LYST: variants seen among roughly 807,000 people sequenced by gnomAD.
LYST encodes lysosomal trafficking regulator.
In LYST, 192 loss-of-function variants were observed where a neutral mutation model predicts 413.6. The ratio of observed to expected loss-of-function variants is 0.46; its 90% CI spans 0.41 to 0.52. The LOEUF is 0.52. Ranked by LOEUF, LYST falls within the 20% of genes least tolerant of loss-of-function variation. The probability of loss-of-function intolerance (pLI) is 0.00; values close to 1 mark genes in which losing one functional copy is unlikely to be tolerated. For synonymous variants in LYST, 1,525 were observed against 1,567.3 expected, an observed-to-expected ratio of 0.97 and a Z score of 0.64; for missense variants, 3,815 against 4,499.9, an observed-to-expected ratio of 0.85 and a Z score of 4.35.
At chr1:235,803,133 A>G in intron 7 of LYST, 69 bp from the exon 8 acceptor site, 1 of 1,254,808 alleles carries the variant, frequency 8.0e-7, no homozygotes, top group South Asian at 1.2e-5. Flanking sequence ...TTATTACTCA[A>G]AAGTCATGTT....
At chr1:235,690,209 T>G (rs2103066879) in intron 47 of LYST, among the ~76,000 whole-genome samples, 1 of 152,356 alleles carries the variant, frequency 6.6e-6, no homozygotes, top group African/African-American at 2.4e-5. Context: ...CAGCAATGAG[T>G]TAAATCTGCT....
At chr1:235,673,567 C>A (rs73124557) in intron 50 of LYST, among the ~76,000 whole-genome samples, 7,642 of 152,210 alleles carry the variant, frequency 0.05, 603 homozygotes, top group African/African-American at 0.17. Context: ...CACCGCCCCC[C>A]ACAACTGTCA....
intron 1 of LYST, among the ~76,000 whole-genome samples, chr1:235,851,271 G>A (rs187008071): frequency 2.0e-5 from 3 of 152,194 alleles, no homozygotes; most frequent in Admixed American, 2.0e-4. Flanking sequence ...GATGAGACTG[G>A]AGACTATTAT....
At chr1:235,866,959 A>T (rs925854629), upstream of LYST, 1 of 145,662 alleles carries the variant, frequency 6.9e-6, no homozygotes, top group Non-Finnish European at 1.5e-5. Context: ...GTAACCCAGG[A>T]AACCGAGAAC....
chr1:235,670,956 C>T (rs1018086114), intron 50 of LYST, among the ~76,000 whole-genome samples: 2 of 152,178 alleles, frequency 1.3e-5, no homozygotes, highest in African/African-American at 4.8e-5. Context: ...ATGATTCCCT[C>T]TGATAACCCT....
At chr1:235,778,102 T>TATATATATATATTTTTGTAG (rs1232516969) in intron 16 of LYST, among the ~76,000 whole-genome samples, 7 of 143,966 alleles carry the variant, frequency 4.9e-5, no homozygotes, top group African/African-American at 1.9e-4. Context: ...CAGTTAAATA[T>TATATATATATATTTTTGTAG]ATATATATAT....
chr1:235,739,604 C>T (rs1341231429), intron 31 of LYST, among the ~76,000 whole-genome samples: 1 of 111,064 alleles, frequency 9.0e-6, no homozygotes, highest in Non-Finnish European at 1.7e-5. Context: ...AAACCTTGAA[C>T]AGTGAAAAAA....
chr1:235,760,698 CAGGTTAA>C (rs1206297783), intron 22 of LYST, among the ~76,000 whole-genome samples: 1 of 152,112 alleles, frequency 6.6e-6, no homozygotes. Context: ...GATTCTTTTG[CAGGTTAA>C]AATTTGAGAC....
rs6664854 is a variant in LYST, at chr1:235,812,719, G to C, written c.283+252C>G. 0.034 allele frequency among the ~76,000 whole-genome samples: 5,233 copies of C among 152,082 alleles called. 282 individuals are homozygous for C. The highest frequency in any genetic ancestry group is 0.12 in the African/African-American group (4,945 of 41,480). On this transcript the variant is annotated intron_variant, in intron 4 of 52. Transcript: ENST00000389793. Reference sequence around the variant, plus strand: ...CTGCACACCTAGACTCACTCCTTCTGATAAGTGTTTCTGCTTCTTTATACA... The same window carrying C: ...CTGCACACCTAGACTCACTCCTTCTCATAAGTGTTTCTGCTTCTTTATACA...
chr1:235,881,136 G>C (rs1414798036), intron 1 of LYST, among the ~76,000 whole-genome samples: 1 of 152,164 alleles, frequency 6.6e-6, no homozygotes. Context: ...TCATAACGAA[G>C]TGGTAACTAC....
intron 50 of LYST, among the ~76,000 whole-genome samples, chr1:235,670,910 A>G (rs1658886512): frequency 6.6e-6 from 1 of 152,226 alleles, no homozygotes; most frequent in Non-Finnish European, 1.5e-5. Context: ...AAATAACCCT[A>G]GTAAAACAAA....
chr1:235,684,799 GTT>G (rs577802552), intron 48 of LYST, among the ~76,000 whole-genome samples: 1 of 149,388 alleles, frequency 6.7e-6, no homozygotes, highest in Non-Finnish European at 1.5e-5. Context: ...TTTTATTTTT[GTT>G]TTTTTTTGGT....
chr1:235,836,748 A>G (rs1036948634), intron 1 of LYST, among the ~76,000 whole-genome samples: 1 of 152,196 alleles, frequency 6.6e-6, no homozygotes, highest in African/African-American at 2.4e-5. Flanking sequence ...AAAAGACTAT[A>G]AGGTTTTTTA....
chr1:235,772,121 A>G (rs1040048734), intron 19 of LYST, among the ~76,000 whole-genome samples: 8 of 151,926 alleles, frequency 5.3e-5, no homozygotes, highest in African/African-American at 1.5e-4. Flanking sequence ...GCTACTTGGG[A>G]GGCTGAGGTA....
At chr1:235,699,540 C>T (rs569680973) in intron 45 of LYST, among the ~76,000 whole-genome samples, 2 of 152,240 alleles carry the variant, frequency 1.3e-5, no homozygotes, top group Admixed American at 6.5e-5. Flanking sequence ...AATAAACATA[C>T]GAGTGCATGT....
At position 235,808,789 on chromosome 1, in the gene LYST, T is replaced by C. The variant is rs779574809; in HGVS notation, c.2029A>G (p.Ile677Val). 9.3e-6 allele frequency: 15 copies of C among 1,613,894 alleles called. No homozygotes were observed. The Admixed American group carries it at 2.5e-4, about 27-fold the overall frequency. ...LSSPSYRFQGILPSSGSEDLL... is the reference protein window; with the variant it reads ...LSSPSYRFQGVLPSSGSEDLL... ...TCTTCAGATCCACTGCTGGGCAGGA[T>C]CCCTTGAAATCTGTAAGAAGGACTG... The change falls in exon 5 of 53, where the codon ATC (isoleucine) becomes GTC (valine). Residue 677 changes from isoleucine to valine, a missense_variant. By Grantham distance (29) the Ile-to-Val change is conservative. Around this residue, in one of 4 missense-constraint regions of LYST, gnomAD observed 1,648 missense variants for 1,810.3 expected, o/e 0.91. Transcript: ENST00000389793.
intron 43 of LYST, among the ~76,000 whole-genome samples, chr1:235,711,421 T>G (rs576764788): frequency 6.6e-6 from 1 of 152,200 alleles, no homozygotes; most frequent in South Asian, 2.1e-4. Context: ...CCAATGTAAT[T>G]TGCCCAACAC....
At chr1:235,699,998 T>C (rs774045438) in intron 45 of LYST, among the ~76,000 whole-genome samples, 7 of 152,188 alleles carry the variant, frequency 4.6e-5, no homozygotes, top group Non-Finnish European at 7.3e-5. Context: ...AAGGATTCCC[T>C]ATTTAATAAG....
chr1:235,740,442 A>T (rs1665261056), intron 31 of LYST, among the ~76,000 whole-genome samples: 1 of 152,102 alleles, frequency 6.6e-6, no homozygotes, highest in Non-Finnish European at 1.5e-5. Context: ...CCTTCCACAG[A>T]GACAACTACT....
Sources: allele counts gnomAD v4.1 joint callset (sites outside exome capture counted in the v4.1 genomes callset), GRCh38; gene constraint gnomAD v4.1.1; regional missense constraint gnomAD v4.1.1; transcripts MANE v1.5; gene names NCBI Gene and HGNC (gene_info 2026-07-23, HGNC 2026-07-21).